Variants in ZHX1 observed in about 807,000 individuals in gnomAD.
The protein encoded by ZHX1 is zinc fingers and homeoboxes protein 1.
ZHX1 carries 20 observed loss-of-function variants against 61.8 expected under a neutral mutation model. That is an observed-to-expected ratio of 0.32 (90% CI 0.23 to 0.47). ZHX1 has a LOEUF of 0.47. Ranked by LOEUF, ZHX1 falls within the 20% of genes least tolerant of loss-of-function variation. ZHX1 has a pLI of 1.00. For missense variants in ZHX1, 800 were observed against 1,034.8 expected, an observed-to-expected ratio of 0.77 and a Z score of 3.11; for synonymous variants, 318 against 352.6, an observed-to-expected ratio of 0.90 and a Z score of 1.10.
chr8:123,255,783 G>C lies in ZHX1; in HGVS notation c.164C>G (p.Ser55Cys), dbSNP rs749892729. The change falls in exon 3 of 4, where the codon TCT (serine) becomes TGT (cysteine). Residue 55 changes from serine (S) to cysteine (C), a missense_variant. Coordinates refer to ENST00000395571, the MANE Select transcript of ZHX1 (RefSeq NM_007222.5). ...ATTTTGCTGATTGTCTGAATCCACA[G>C]ATTCATGAACCTCTTCATCACTTGA... ...SISSDEEVHE[S>C]VDSDNQQNKK... 6.2e-7 allele frequency: 1 copy of C among 1,614,054 alleles called. No homozygotes were observed. The highest frequency in any genetic ancestry group is 1.7e-5 in the Admixed American group (1 of 60,022).
chr8:123,264,937 C>T (rs903146779), intron 2 of ZHX1, among the ~76,000 whole-genome samples: 2 of 149,830 alleles, frequency 1.3e-5, no homozygotes, highest in African/African-American at 4.9e-5. Context: ...GCATGTAATC[C>T]CAGCACTTTG....
At chr8:123,274,685 C>G (rs909270520), upstream of ZHX1, among the ~76,000 whole-genome samples, 2 of 151,994 alleles carry the variant, frequency 1.3e-5, no homozygotes, top group East Asian at 3.9e-4. Context: ...CCCGCCTTCC[C>G]AGGGCTCGAA....
Position 123,255,686 on chromosome 8 carries a change from A to C in ZHX1, c.261T>G (p.Phe87Leu), listed in dbSNP as rs1223525481. The C allele has an allele frequency of 2.5e-6, 4 of 1,613,948 alleles. No individual in the cohort carries two copies. Among genetic ancestry groups the C allele is most frequent in the Non-Finnish European group, 3.4e-6 (4 of 1,179,958 alleles). Residue 87 changes from phenylalanine (F) to leucine (L), a missense_variant, in exon 3 of 4, where the codon TTT becomes TTG. Transcript: ENST00000395571. ...CATTGGGATGTTCCGAATCCACATG[A>C]AAAGTAAACATATTTAGATCTGGAG... ...FQTPDLNMFT[F>L]HVDSEHPNVV...
At position 123,250,322 on chromosome 8, in the gene ZHX1, T is replaced by TA; in HGVS notation, c.*4-3dup. ...ATTCTCCTTCAACGTTTTAGGCAGC[T>TA]AAAAAAGAAAAACATCATAAAAAAC... On this transcript the variant is annotated splice_region_variant and splice_polypyrimidine_tract_variant and intron_variant, in intron 3 of 3. Coordinates refer to ENST00000395571, the MANE Select transcript of ZHX1 (RefSeq NM_007222.5). 7.8e-6 allele frequency: 3 copies of TA among 383,292 alleles called. No homozygotes were observed. Among genetic ancestry groups the TA allele is most frequent in the South Asian group, 1.8e-5 (1 of 54,254 alleles). The allele number at this position is 383,292 out of a possible 1,614,324, so 23.7% of individuals were successfully genotyped here. A position where few individuals can be genotyped will look rare whatever the true frequency, so the allele number is the denominator to read the frequency against.
chr8:123,272,208 C>T (rs995664268), intron 1 of ZHX1, among the ~76,000 whole-genome samples: 1 of 152,200 alleles, frequency 6.6e-6, no homozygotes, highest in Non-Finnish European at 1.5e-5. Flanking sequence ...TCATCAGTTA[C>T]CCAAGTATTA....
intron 2 of ZHX1, among the ~76,000 whole-genome samples, chr8:123,266,100 G>A (rs1031367412): frequency 1.3e-5 from 2 of 152,164 alleles, no homozygotes; most frequent in Non-Finnish European, 2.9e-5. Flanking sequence ...AGGTAGGTAG[G>A]TAAGTACGTA....
At position 123,266,465 on chromosome 8, in the gene ZHX1, T is replaced by C. The variant is rs1328677615; in HGVS notation, c.-226+808A>G. 1.3e-5 allele frequency among the ~76,000 whole-genome samples: 2 copies of C among 152,202 alleles called. 1 individual carries two copies. Among genetic ancestry groups the C allele is most frequent in the African/African-American group, 4.8e-5 (2 of 41,466 alleles). The stretch of plus-strand genomic sequence containing the variant: ...ATATCAACTTATAAGAACTCTGTTA[T>C]CCATTTTTTAAAAATGAAAACTGCC... On this transcript the variant is annotated intron_variant, in intron 2 of 3. Coordinates refer to ENST00000395571, the MANE Select transcript of ZHX1 (RefSeq NM_007222.5).
intron 2 of ZHX1, among the ~76,000 whole-genome samples, chr8:123,260,594 T>C (rs1163177626): frequency 1.3e-5 from 2 of 148,450 alleles, no homozygotes; most frequent in African/African-American, 5.0e-5. Flanking sequence ...CAACACTCCA[T>C]CTCAAAAAAA....
rs372505431 is a variant in ZHX1, at chr8:123,255,932, T to C, written c.15A>G (p.Arg5=). Residue 5 remains arginine (R), a synonymous_variant, in exon 3 of 4, where the codon CGA becomes CGG. Coordinates refer to ENST00000395571, the MANE Select transcript of ZHX1 (RefSeq NM_007222.5). MASR[R]KSTTPCMVLA... ...GGACCATGCAAGGTGTTGTTGATTT[T>C]CGCCTGCTTGCCATTCTGATGTTAT... is the stretch of plus-strand genomic sequence containing the variant. The C allele has an allele frequency of 6.2e-7, 1 of 1,603,914 alleles. No individual in the cohort carries two copies. Among genetic ancestry groups the C allele is most frequent in the African/African-American group, 1.3e-5 (1 of 74,552 alleles).
intron 1 of ZHX1, among the ~76,000 whole-genome samples, chr8:123,269,291 T>C (rs1283766513): frequency 1.3e-5 from 2 of 152,174 alleles, no homozygotes; most frequent in Admixed American, 1.3e-4. Flanking sequence ...ATGAGTCTCT[T>C]GAGAAGAGCT....
At chr8:123,272,609 A>G (rs1563817021) in intron 1 of ZHX1, among the ~76,000 whole-genome samples, 1 of 152,214 alleles carries the variant, frequency 6.6e-6, no homozygotes, top group African/African-American at 2.4e-5. Flanking sequence ...AAAACAAATG[A>G]CTTTTTCAGA....
intron 1 of ZHX1, among the ~76,000 whole-genome samples, chr8:123,272,274 CAA>C (rs141500612): frequency 0.01 from 1,548 of 152,118 alleles, 27 homozygotes; most frequent in African/African-American, 0.034. Flanking sequence ...GGTACTTCAA[CAA>C]AAAAGATTCA....
At position 123,249,859 on chromosome 8, in the gene ZHX1, T is replaced by A. The variant is rs1825873728; in HGVS notation, c.*465A>T. The A allele has an allele frequency of 6.7e-6, 1 of 150,148 alleles. No homozygotes were observed. Among genetic ancestry groups the A allele is most frequent in the East Asian group, 1.9e-4 (1 of 5,166 alleles). 9.3% of individuals were successfully genotyped at this position (150,148 alleles called of 1,614,324 possible). A position where few individuals can be genotyped will look rare whatever the true frequency, so the allele number is the denominator to read the frequency against. On this transcript the variant is annotated 3_prime_UTR_variant, in exon 4 of 4. Transcript: ENST00000395571. ...AGGGTTTTTTTTTTTTTTTTTTTTTTACCCATTTCTAACAATTTTTACTGT... is the reference window on the plus strand; with the variant it reads ...AGGGTTTTTTTTTTTTTTTTTTTTTAACCCATTTCTAACAATTTTTACTGT...
intron 2 of ZHX1, among the ~76,000 whole-genome samples, chr8:123,259,979 C>A (rs1054040180): frequency 2.0e-5 from 3 of 151,946 alleles, no homozygotes; most frequent in Non-Finnish European, 4.4e-5. Flanking sequence ...AACAGTGAAA[C>A]CCCGTCTCTA....
chr8:123,250,905 G>A (rs1454285350), intron 3 of ZHX1, among the ~76,000 whole-genome samples: 1 of 152,206 alleles, frequency 6.6e-6, no homozygotes, highest in East Asian at 1.9e-4. Flanking sequence ...GTTTGGCTCT[G>A]TGTCCCCATC....
In ZHX1 at chr8:123,253,983, G is replaced by A. The variant is rs138992353; in HGVS notation, c.1964C>T (p.Ala655Val). 1.1e-5 allele frequency: 18 copies of A among 1,614,008 alleles called. No individual in the cohort carries two copies. The highest frequency in any genetic ancestry group is 8.9e-5 in the East Asian group (4 of 44,898). Reference sequence around the variant, plus strand: ...CTTGCCTGTACTCCCTGACTTAGGTGCACCAGATTCATCTGCAGGAGAAGT... The same window carrying A: ...CTTGCCTGTACTCCCTGACTTAGGTACACCAGATTCATCTGCAGGAGAAGT... ...GETSPADESG[A>V]PKSGSTGKIC... is the part of the protein sequence containing the mutation. The change falls in exon 3 of 4, where the codon GCA (alanine) becomes GTA (valine). Residue 655 changes from alanine (A) to valine (V), a missense_variant. Physicochemically the swap from Ala to Val is moderately conservative, Grantham distance 64. Transcript: ENST00000395571.
rs1016114630 is a variant in ZHX1 at position 123,257,588 on chromosome 8, G to A, written c.-225-1417C>T. 3.9e-5 allele frequency among the ~76,000 whole-genome samples: 6 copies of A among 152,240 alleles called. No homozygotes were observed. In the South Asian group the frequency reaches 8.3e-4, roughly 21 times the overall value. The stretch of plus-strand genomic sequence containing the variant: ...GGAAGACCATTTTTCCACATACCGC[G>A]GTGCGAGGGGATGAGATGGTTTTGG... On this transcript the variant is annotated intron_variant, in intron 2 of 3. Coordinates refer to ENST00000395571, the MANE Select transcript of ZHX1 (RefSeq NM_007222.5).
At position 123,255,344 on chromosome 8, in the gene ZHX1, G is replaced by A. The variant is rs371939222; in HGVS notation, c.603C>T (p.Asn201=). The change falls in exon 3 of 4, where the codon AAC becomes AAT. Residue 201 remains asparagine (N), a synonymous_variant. Transcript: ENST00000395571. ...TCTCTTCAGGAACGTCCTCAACTGA[G>A]TTATGATGAACTGCAATCCGTTTAT... ...VENKRIAVHH[N]SVEDVPEEKE... The A allele has an allele frequency of 2.8e-5, 45 of 1,613,916 alleles. 1 individual carries two copies. The highest frequency in any genetic ancestry group is 5.0e-5 in the Admixed American group (3 of 59,988).
Position 123,255,989 on chromosome 8 carries a change from C to T in ZHX1, c.-43G>A, listed in dbSNP as rs776067036. ...AAGCTCAGTGGTGATTAAAAAGCAT[C>T]GAGGCTTAAAACTGTTCAGTGTTCT... On this transcript the variant is annotated 5_prime_UTR_variant, in exon 3 of 4. Transcript: ENST00000395571. 3 of 1,536,598 alleles carry T rather than the reference C, an allele frequency of 2.0e-6. No individual in the cohort carries two copies. The highest frequency in any genetic ancestry group is 2.3e-5 in the East Asian group (1 of 44,182).
Sources: allele counts gnomAD v4.1 joint callset (sites outside exome capture counted in the v4.1 genomes callset), GRCh38; gene constraint gnomAD v4.1.1; transcripts MANE v1.5; gene names NCBI Gene and HGNC (gene_info 2026-07-23, HGNC 2026-07-21).